UBTD1: variants seen among roughly 807,000 people sequenced by gnomAD.
UBTD1 encodes ubiquitin domain containing 1.
In UBTD1, 19 loss-of-function variants were observed where a neutral mutation model predicts 21.7. The observed-to-expected ratio is 0.87, with a 90% CI of 0.61 to 1.28. The LOEUF (loss-of-function observed/expected upper bound fraction) is 1.28, where lower values mean the gene tolerates loss of function less well. Among genes scored for constraint, UBTD1 ranks in the 50% most tolerant of loss-of-function variants. The pLI is 0.00. For missense variants in UBTD1, 282 were observed against 315.1 expected (o/e 0.89, Z 0.80); for synonymous variants, 116 against 135.1 (o/e 0.86, Z 0.98).
intron 1 of UBTD1, among the ~76,000 whole-genome samples, chr10:97,499,993 A>C (rs2040346643): frequency 6.6e-6 from 1 of 152,104 alleles, no homozygotes; most frequent in African/African-American, 2.4e-5. Context: ...CCCCGGGAAG[A>C]GGTCTGTCGG....
intron 1 of UBTD1, among the ~76,000 whole-genome samples, chr10:97,540,341 C>G (rs2040581905): frequency 6.6e-6 from 1 of 152,320 alleles, no homozygotes; most frequent in East Asian, 1.9e-4. Flanking sequence ...GCTAGACTCC[C>G]ACCTACGTTC....
intron 1 of UBTD1, among the ~76,000 whole-genome samples, chr10:97,522,873 T>C (rs547562294): frequency 1.3e-5 from 2 of 152,324 alleles, no homozygotes; most frequent in East Asian, 3.9e-4. Flanking sequence ...GGGCCATAGC[T>C]GCAGGGCCAG....
At chr10:97,505,106 A>G (rs2040393107) in intron 1 of UBTD1, among the ~76,000 whole-genome samples, 1 of 152,200 alleles carries the variant, frequency 6.6e-6, no homozygotes. Context: ...GGGTGGCCTA[A>G]TAGACTACAA....
chr10:97,565,594 G>A (rs560624629), intron 1 of UBTD1, among the ~76,000 whole-genome samples: 4 of 152,146 alleles, frequency 2.6e-5, no homozygotes, highest in South Asian at 4.1e-4. Flanking sequence ...TGAGGCTGCA[G>A]TGAGCTATGA....
At chr10:97,548,049 CA>C (rs1041848978) in intron 1 of UBTD1, among the ~76,000 whole-genome samples, 28 of 152,180 alleles carry the variant, frequency 1.8e-4, no homozygotes, top group African/African-American at 6.8e-4. Context: ...GTGGGAGTTA[CA>C]TGCTCTTTTT....
At chr10:97,548,885 G>T (rs1345813276) in intron 1 of UBTD1, among the ~76,000 whole-genome samples, 1 of 152,228 alleles carries the variant, frequency 6.6e-6, no homozygotes, top group African/African-American at 2.4e-5. Context: ...GTCGGGGGAT[G>T]GCTGGTCAGT....
intron 1 of UBTD1, among the ~76,000 whole-genome samples, chr10:97,550,601 G>A (rs1293798853): frequency 6.6e-6 from 1 of 152,152 alleles, no homozygotes; most frequent in African/African-American, 2.4e-5. Context: ...GCTGAGAACC[G>A]CGCTGGGCCA....
At chr10:97,528,087 C>G (rs71333242) in intron 1 of UBTD1, among the ~76,000 whole-genome samples, 2 of 124,494 alleles carry the variant, frequency 1.6e-5, no homozygotes, top group Admixed American at 7.7e-5. Context: ...CTGACTCCCC[C>G]ACCTCCCTCC....
At chr10:97,550,198 G>A (rs982490761) in intron 1 of UBTD1, among the ~76,000 whole-genome samples, 2 of 152,158 alleles carry the variant, frequency 1.3e-5, no homozygotes, top group Non-Finnish European at 2.9e-5. Context: ...TCACATAATC[G>A]GTGCATCTGG....
At chr10:97,502,919 A>T (rs995024150) in intron 1 of UBTD1, among the ~76,000 whole-genome samples, 76 of 121,616 alleles carry the variant, frequency 6.2e-4, no homozygotes, top group African/African-American at 1.6e-3. Flanking sequence ...GTATATATAT[A>T]TTTTTTTTTT....
intron 1 of UBTD1, among the ~76,000 whole-genome samples, chr10:97,550,550 C>T (rs745445883): frequency 1.3e-5 from 2 of 152,186 alleles, no homozygotes; most frequent in Non-Finnish European, 2.9e-5. Context: ...CACCTGCTCA[C>T]GGCGCCTCGG....
intron 2 of UBTD1, among the ~76,000 whole-genome samples, chr10:97,569,311 CAT>C (rs1431089659): frequency 6.6e-6 from 1 of 152,240 alleles, no homozygotes; most frequent in Non-Finnish European, 1.5e-5. Context: ...AGACAATAAA[CAT>C]ATTTCTCCAT....
intron 1 of UBTD1, among the ~76,000 whole-genome samples, chr10:97,520,876 G>A (rs2040464279): frequency 6.6e-6 from 1 of 152,192 alleles, no homozygotes; most frequent in African/African-American, 2.4e-5. Flanking sequence ...GACACTGTCC[G>A]GAGCTGCTAA....
chr10:97,547,964 A>G (rs1354846833), intron 1 of UBTD1, among the ~76,000 whole-genome samples: 1 of 151,730 alleles, frequency 6.6e-6, no homozygotes, highest in African/African-American at 2.4e-5. Flanking sequence ...CGGCTTGGTT[A>G]CCAATGACAA....
intron 1 of UBTD1, among the ~76,000 whole-genome samples, chr10:97,563,089 G>A (rs543122777): frequency 4.6e-5 from 7 of 152,256 alleles, no homozygotes; most frequent in African/African-American, 1.7e-4. Context: ...AGAATGATTA[G>A]TGATGGCCTG....
intron 1 of UBTD1, among the ~76,000 whole-genome samples, chr10:97,567,665 C>CA (rs1251456798): frequency 6.6e-6 from 1 of 151,576 alleles, no homozygotes; most frequent in Non-Finnish European, 1.5e-5. Flanking sequence ...ATCTCAAAAA[C>CA]AAAAAACAAA....
chr10:97,555,499 C>T (rs2040659667), intron 1 of UBTD1, among the ~76,000 whole-genome samples: 1 of 152,274 alleles, frequency 6.6e-6, no homozygotes, highest in South Asian at 2.1e-4. Context: ...ACCTCTCAGA[C>T]ACCGAGTTGT....
intron 1 of UBTD1, among the ~76,000 whole-genome samples, chr10:97,542,265 C>T (rs2040590640): frequency 6.6e-6 from 1 of 152,206 alleles, no homozygotes; most frequent in Admixed American, 6.5e-5. Flanking sequence ...CTTTACCTGC[C>T]CACAGCCCCG....
chr10:97,510,480 T>C (rs937992242), intron 1 of UBTD1, among the ~76,000 whole-genome samples: 2 of 152,220 alleles, frequency 1.3e-5, no homozygotes, highest in Admixed American at 1.3e-4. Flanking sequence ...GAAATGGAGA[T>C]AACAGTATCT....
Sources: allele counts gnomAD v4.1 joint callset (sites outside exome capture counted in the v4.1 genomes callset), GRCh38; gene constraint gnomAD v4.1.1; transcripts MANE v1.5; gene names NCBI Gene and HGNC (gene_info 2026-07-23, HGNC 2026-07-21).